SETD2: variants seen among roughly 807,000 people sequenced by gnomAD.
The protein encoded by SETD2 is histone-lysine N-methyltransferase SETD2.
A neutral mutation model predicts 242.1 loss-of-function variants in SETD2; 31 were observed. The ratio of observed to expected loss-of-function variants is 0.13; its 90% CI spans 0.10 to 0.17. SETD2 has a LOEUF of 0.17. SETD2 is among the 10% of genes least tolerant of loss of function. The probability of loss-of-function intolerance (pLI) is 1.00; values close to 1 mark genes in which losing one functional copy is unlikely to be tolerated. For missense variants in SETD2, 2,481 were observed against 3,046.3 expected (o/e 0.81, Z 4.37); for synonymous variants, 1,006 against 1,066.5 (o/e 0.94, Z 1.11).
chr3:47,125,874 C>T (rs979465299), intron 2 of SETD2, among the ~76,000 whole-genome samples: 4 of 152,282 alleles, frequency 2.6e-5, no homozygotes, highest in Middle Eastern at 3.4e-3. Context: ...ATGCAAAATT[C>T]TTCTAATTAA....
intron 18 of SETD2, among the ~76,000 whole-genome samples, chr3:47,025,922 A>C (rs1219566527): frequency 1.3e-5 from 2 of 152,372 alleles, no homozygotes; most frequent in African/African-American, 4.8e-5. Context: ...AAAACACCAA[A>C]AGCAATGGCA....
At chr3:47,077,054 C>T (rs983440338) in intron 12 of SETD2, among the ~76,000 whole-genome samples, 1 of 152,034 alleles carries the variant, frequency 6.6e-6, no homozygotes, top group African/African-American at 2.4e-5. Context: ...ATGGCAGGAG[C>T]CTGAATTAAA....
At chr3:47,027,336 C>CAAAAAAAAAAAAAAAAAAAAAAAAAAAAA (rs145911577) in intron 18 of SETD2, among the ~76,000 whole-genome samples, 1 of 103,738 alleles carries the variant, frequency 9.6e-6, no homozygotes, top group Non-Finnish European at 1.7e-5. Context: ...GACTCCATCT[C>CAAAAAAAAAAAAAAAAAAAAAAAAAAAAA]AAAAAAAAAA....
At chr3:47,107,787 A>G (rs972278272) in intron 5 of SETD2, among the ~76,000 whole-genome samples, 5 of 151,426 alleles carry the variant, frequency 3.3e-5, no homozygotes, top group Non-Finnish European at 7.4e-5. Flanking sequence ...CCTGAAAAAC[A>G]CAGGAAGACC....
Position 47,094,758 on chromosome 3 carries a change from G to A in SETD2, c.5142+3197C>T, listed in dbSNP as rs142643358. Among the ~76,000 whole-genome samples the A allele has an allele frequency of 3.5e-3, 535 of 152,214 alleles. 9 individuals are homozygous for A. The highest frequency in any genetic ancestry group is 3.9e-3 in the Non-Finnish European group (267 of 68,004). On this transcript the variant is annotated intron_variant, in intron 9 of 20. Transcript: ENST00000409792. ...TCATTCTGGGATATTCCTCTATCTG[G>A]GCAAAGTTTCATATAAAACATCATT...
At chr3:47,159,572 G>C (rs1697424396) in intron 1 of SETD2, among the ~76,000 whole-genome samples, 1 of 152,120 alleles carries the variant, frequency 6.6e-6, no homozygotes. Context: ...GGCTTCCACT[G>C]TTGTTCCCTT....
At chr3:47,096,042 C>T (rs989924892) in intron 9 of SETD2, among the ~76,000 whole-genome samples, 8 of 152,128 alleles carry the variant, frequency 5.3e-5, no homozygotes, top group Non-Finnish European at 7.3e-5. Context: ...AAGCAAGAGC[C>T]ACCACGCCCA....
intron 1 of SETD2, among the ~76,000 whole-genome samples, chr3:47,156,149 A>T (rs2044122492): frequency 6.6e-6 from 1 of 152,214 alleles, no homozygotes; most frequent in African/African-American, 2.4e-5. Context: ...TTGATTCTCA[A>T]ACCCAGGCTG....
chr3:47,155,289 C>A (rs1352788374), intron 1 of SETD2, among the ~76,000 whole-genome samples: 3 of 152,114 alleles, frequency 2.0e-5, no homozygotes, highest in Admixed American at 2.0e-4. Flanking sequence ...TAAGACAATA[C>A]TTGTTCTTAG....
intron 5 of SETD2, among the ~76,000 whole-genome samples, chr3:47,111,412 A>T (rs1290264720): frequency 6.6e-6 from 1 of 152,146 alleles, no homozygotes; most frequent in Non-Finnish European, 1.5e-5. Flanking sequence ...CAAAAAATAG[A>T]AAAATAAAGT....
Position 47,121,944 on chromosome 3 carries a change from A to T in SETD2, c.2692T>A (p.Leu898Met), listed in dbSNP as rs2106664863. 1.2e-6 allele frequency: 2 copies of T among 1,614,022 alleles called. No homozygotes were observed. Among genetic ancestry groups the T allele is most frequent in the Non-Finnish European group, 1.7e-6 (2 of 1,180,004 alleles). ...GGAGATGTGTTCTCTCCGCATTTCA[A>T]GAGAGTTAGACTGTCCACCTTTATT... is the stretch of plus-strand genomic sequence containing the variant. ...PGIKVDSLTL[L>M]KCGENTSPVL... The change falls in exon 3 of 21, where the codon TTG (leucine) becomes ATG (methionine). Residue 898 changes from leucine to methionine, a missense_variant. Transcript: ENST00000409792.
At chr3:47,087,668 AT>A (rs1374676771) in intron 10 of SETD2, among the ~76,000 whole-genome samples, 2 of 152,152 alleles carry the variant, frequency 1.3e-5, no homozygotes, top group Admixed American at 6.6e-5. Context: ...TCACATATCC[AT>A]TTAAAAAATA....
intron 6 of SETD2, among the ~76,000 whole-genome samples, chr3:47,103,705 C>T (rs763296555): frequency 6.6e-6 from 1 of 151,456 alleles, no homozygotes; most frequent in Non-Finnish European, 1.5e-5. Flanking sequence ...AAAGGAAAAG[C>T]ATTAAGACAA....
intron 3 of SETD2, 147 bp from the exon 4 acceptor site, chr3:47,116,901 T>C (rs1269175266): frequency 3.5e-6 from 2 of 574,674 alleles, no homozygotes; most frequent in East Asian, 6.3e-5. Flanking sequence ...CAGGGTGCAG[T>C]GATGCGATCA....
chr3:47,053,151 G>A (rs1005174322), intron 15 of SETD2, among the ~76,000 whole-genome samples: 2 of 152,090 alleles, frequency 1.3e-5, no homozygotes, highest in Admixed American at 6.5e-5. Context: ...GCCTCCAAAC[G>A]TGCTGGGATT....
chr3:47,042,191 G>A (rs970281941), intron 17 of SETD2, among the ~76,000 whole-genome samples: 8 of 152,036 alleles, frequency 5.3e-5, no homozygotes, highest in Admixed American at 1.3e-4. Flanking sequence ...GTGAAACCCC[G>A]TCTCCACTAA....
At chr3:47,163,289 C>G (rs1055608538) in intron 1 of SETD2, 2 of 152,328 alleles carry the variant, frequency 1.3e-5, no homozygotes, top group Admixed American at 1.3e-4. Context: ...AAATCAAACT[C>G]AGGAGTGCAG....
chr3:47,098,706 G>A (rs2042096418), intron 8 of SETD2, among the ~76,000 whole-genome samples: 1 of 152,088 alleles, frequency 6.6e-6, no homozygotes, highest in Non-Finnish European at 1.5e-5. Flanking sequence ...TGAGGCATGA[G>A]AATTGTTTGA....
At position 47,083,856 on chromosome 3, in the gene SETD2, T is replaced by G. The variant is rs768858060; in HGVS notation, c.5924A>C (p.Asn1975Thr). The change falls in exon 12 of 21, where the codon AAT becomes ACT. Residue 1975 changes from asparagine (N) to threonine (T), a missense_variant. Coordinates refer to ENST00000409792, the MANE Select transcript of SETD2 (RefSeq NM_014159.7). ...SNGTKLEEPI[N>T]EETPSQDEEE... ...TTCATCTTGGGATGGTGTTTCTTCA[T>G]TAATAGGTTCTTCTAGTTTTGTGCC... 6.2e-7 allele frequency: 1 copy of G among 1,614,202 alleles called. No individual in the cohort carries two copies. The highest frequency in any genetic ancestry group is 8.5e-7 in the Non-Finnish European group (1 of 1,180,014).
Sources: gnomAD v4.1 joint callset for allele counts (sites outside exome capture counted in the v4.1 genomes callset) on GRCh38, gnomAD v4.1.1 for gene constraint, MANE v1.5 for transcripts, NCBI Gene and HGNC (gene_info 2026-07-23, HGNC 2026-07-21) for gene names.